EHMT1: variants seen among roughly 807,000 people sequenced by gnomAD.
The protein encoded by EHMT1 is histone-lysine N-methyltransferase EHMT1.
A neutral mutation model predicts 147.2 loss-of-function variants in EHMT1; 15 were observed. The ratio of observed to expected loss-of-function variants is 0.10; its 90% CI spans 0.07 to 0.16. The LOEUF is 0.16. Among genes scored for constraint, EHMT1 ranks in the 10% least tolerant of loss-of-function variants. The pLI is 1.00. For synonymous variants in EHMT1, 795 were observed against 709.6 expected (o/e 1.12, Z -1.91); for missense variants, 1,587 against 1,772.4 (o/e 0.90, Z 1.88).
intron 1 of EHMT1, among the ~76,000 whole-genome samples, chr9:137,705,343 G>A (rs1365947310): frequency 1.3e-5 from 2 of 152,198 alleles, no homozygotes; most frequent in Non-Finnish European, 2.9e-5. Flanking sequence ...TCTCCTGAGT[G>A]TTCTTGAGTT....
chr9:137,806,929 A>T (rs1281762918), intron 18 of EHMT1, among the ~76,000 whole-genome samples: 1 of 152,172 alleles, frequency 6.6e-6, no homozygotes, highest in Non-Finnish European at 1.5e-5. Context: ...TGTCTTTTTT[A>T]TATGGCTGCT....
chr9:137,782,239 T>C lies in EHMT1; in HGVS notation c.2276-52T>C. On this transcript the variant is annotated intron_variant, in intron 14 of 26. Transcript: ENST00000460843. The surrounding 1 kb of genome is among the most constrained non-coding windows in gnomAD (Gnocchi z 5.7). Reference sequence around the variant, plus strand: ...GCCAGCCATCGTGACAGTCCTGAGCTGGAGTCTGTGGCTACATCTGAAATC... The same window carrying C: ...GCCAGCCATCGTGACAGTCCTGAGCCGGAGTCTGTGGCTACATCTGAAATC... 1.3e-6 allele frequency: 2 copies of C among 1,510,430 alleles called. No homozygotes were observed. Among genetic ancestry groups the C allele is most frequent in the African/African-American group, 1.4e-5 (1 of 72,428 alleles). The allele number at this position is 1,510,430 out of a possible 1,614,324, so 93.6% of individuals were successfully genotyped here. A position where few individuals can be genotyped will look rare whatever the true frequency, so the allele number is the denominator to read the frequency against.
intron 17 of EHMT1, chr9:137,800,471 C>T (rs955750482): frequency 1.2e-5 from 3 of 257,492 alleles, no homozygotes; most frequent in East Asian, 2.0e-4. Flanking sequence ...ACAGCCCAGA[C>T]TTCCTGCCAG....
At chr9:137,670,398 CG>C (rs1554830952) in intron 1 of EHMT1, among the ~76,000 whole-genome samples, 1 of 152,072 alleles carries the variant, frequency 6.6e-6, no homozygotes, top group Non-Finnish European at 1.5e-5. Flanking sequence ...TGCCCTGACC[CG>C]GTAGTGTCCT....
At chr9:137,689,601 G>T (rs1942759990) in intron 1 of EHMT1, among the ~76,000 whole-genome samples, 1 of 152,198 alleles carries the variant, frequency 6.6e-6, no homozygotes, top group Admixed American at 6.5e-5. Context: ...TACTCAGGAG[G>T]CTGAGGCAGG....
intron 4 of EHMT1, among the ~76,000 whole-genome samples, chr9:137,738,187 C>G (rs1200590948): frequency 6.7e-6 from 1 of 150,144 alleles, no homozygotes; most frequent in African/African-American, 2.5e-5. Context: ...GAGTGAGACT[C>G]TGTCTCAAAA....
intron 9 of EHMT1, 56 bp downstream of exon 9, chr9:137,758,067 G>T (rs908695221): frequency 9.9e-6 from 16 of 1,611,726 alleles, no homozygotes; most frequent in African/African-American, 2.7e-5. Flanking sequence ...TGTCTTCTGG[G>T]CTCCTTCCTC....
Position 137,731,463 on chromosome 9 carries a change from C to A in EHMT1, c.823+2934C>A, listed in dbSNP as rs929515404. Among the ~76,000 whole-genome samples the A allele has an allele frequency of 1.3e-5, 2 of 152,166 alleles. No homozygotes were observed. Among genetic ancestry groups the A allele is most frequent in the African/African-American group, 4.8e-5 (2 of 41,446 alleles). ...GCACCTTTCAACATGGCTGGAAAGA[C>A]AGGAGTGCAGATGGAGGAGTCCCCT... On this transcript the variant is annotated intron_variant, in intron 4 of 26. Coordinates refer to ENST00000460843, the MANE Select transcript of EHMT1 (RefSeq NM_024757.5). This position sits in a 1 kb window ranked among gnomAD's most constrained non-coding sequence, Gnocchi z 4.3.
At chr9:137,624,861 C>T (rs991783537) in intron 1 of EHMT1, among the ~76,000 whole-genome samples, 8 of 151,398 alleles carry the variant, frequency 5.3e-5, no homozygotes, top group African/African-American at 9.7e-5. Flanking sequence ...CATGATCCAC[C>T]GAGCCTGGCC....
Position 137,787,548 on chromosome 9 carries a change from A to G in EHMT1, c.2383-3300A>G, listed in dbSNP as rs1952079982. The stretch of plus-strand genomic sequence containing the variant: ...TTAGTAAACACCATGGACTCCCAGC[A>G]AGGCTGCTGCCTGGTGTTTCGAGGC... On this transcript the variant is annotated intron_variant, in intron 15 of 26. Transcript: ENST00000460843. This position sits in a 1 kb window ranked among gnomAD's most constrained non-coding sequence, Gnocchi z 4.2. 4.7e-6 allele frequency: 2 copies of G among 424,954 alleles called. No homozygotes were observed. The highest frequency in any genetic ancestry group is 4.3e-6 in the Non-Finnish European group (1 of 230,880). 26.3% of individuals were successfully genotyped at this position (424,954 alleles called of 1,614,324 possible).
intron 16 of EHMT1, among the ~76,000 whole-genome samples, chr9:137,791,301 T>C (rs1444533764): frequency 5.3e-5 from 8 of 152,140 alleles, no homozygotes; most frequent in Admixed American, 5.2e-4. Context: ...GGCGTTCACA[T>C]TGGAAAGGAA....
intron 8 of EHMT1, among the ~76,000 whole-genome samples, chr9:137,754,762 C>T (rs1027711483): frequency 1.3e-5 from 2 of 152,142 alleles, no homozygotes; most frequent in African/African-American, 4.8e-5. Flanking sequence ...AGCGATCTGC[C>T]CGTTTTGGCC....
chr9:137,653,174 C>T (rs1313479367), intron 1 of EHMT1, among the ~76,000 whole-genome samples: 1 of 152,192 alleles, frequency 6.6e-6, no homozygotes, highest in Non-Finnish European at 1.5e-5. Context: ...GTAAGTGTCC[C>T]ATACAGGTGT....
chr9:137,760,565 C>T (rs1298617031), intron 9 of EHMT1, among the ~76,000 whole-genome samples: 1 of 152,206 alleles, frequency 6.6e-6, no homozygotes, highest in East Asian at 1.9e-4. Flanking sequence ...GCCTCCTGCA[C>T]AGAGTCCTTG....
chr9:137,758,943 T>G lies in EHMT1; in HGVS notation c.1501+932T>G, dbSNP rs3125796. Among the ~76,000 whole-genome samples, 80 of 151,864 alleles carry G rather than the reference T, an allele frequency of 5.3e-4. 2 individuals carry two copies. Among genetic ancestry groups the G allele is most frequent in the Admixed American group, 5.0e-3 (77 of 15,264 alleles). On this transcript the variant is annotated intron_variant, in intron 9 of 26. Coordinates refer to ENST00000460843, the MANE Select transcript of EHMT1 (RefSeq NM_024757.5). Reference sequence around the variant, plus strand: ...GAGATCGAGACCATCCTGGCTGACATGATGAAACCCCGTCTCTACTAAAAA... The same window carrying G: ...GAGATCGAGACCATCCTGGCTGACAGGATGAAACCCCGTCTCTACTAAAAA...
At position 137,787,775 on chromosome 9, in the gene EHMT1, GC is replaced by G. The variant is rs1210394483; in HGVS notation, c.2383-3072del. ...GTTGGGTGACACACCCTGGAAGAGG[GC>G]GTCTAGATCCCAGCCCTGGGGGCCC... On this transcript the variant is annotated intron_variant, in intron 15 of 26. Transcript: ENST00000460843. This position sits in a 1 kb window ranked among gnomAD's most constrained non-coding sequence, Gnocchi z 4.2. The G allele has an allele frequency of 3.6e-6, 3 of 827,060 alleles. No homozygotes were observed. Among genetic ancestry groups the G allele is most frequent in the Non-Finnish European group, 4.3e-6 (2 of 469,574 alleles). 51.2% of individuals were successfully genotyped at this position (827,060 alleles called of 1,614,324 possible).
chr9:137,834,133 C>T (rs377597280), intron 25 of EHMT1: 1 of 633,906 alleles, frequency 1.6e-6, no homozygotes, highest in South Asian at 1.9e-5. Context: ...GGAGGCCCAG[C>T]GAGGACGGCA....
At chr9:137,740,447 G>A (rs1456580732) in intron 4 of EHMT1, among the ~76,000 whole-genome samples, 3 of 151,990 alleles carry the variant, frequency 2.0e-5, no homozygotes, top group African/African-American at 7.3e-5. Flanking sequence ...GAGCCTCTTC[G>A]AAGCTTACTG....
chr9:137,623,420 C>CT (rs111649345), intron 1 of EHMT1, among the ~76,000 whole-genome samples: 6,187 of 143,878 alleles, frequency 0.043, 418 homozygotes, highest in African/African-American at 0.15. Context: ...TGTATTTACT[C>CT]TTTTTTTTTT....
Sources: allele counts gnomAD v4.1 joint callset (sites outside exome capture counted in the v4.1 genomes callset), GRCh38; gene constraint gnomAD v4.1.1; non-coding constraint Gnocchi (gnomAD v3.1); transcripts MANE v1.5; gene names NCBI Gene and HGNC (gene_info 2026-07-23, HGNC 2026-07-21).